The following FRMPD4 variants were observed in gnomAD, a reference collection of about 807,000 sequenced individuals.
FRMPD4 encodes FERM and PDZ domain containing 4.
Under a neutral mutation model 94.1 loss-of-function variants are expected in FRMPD4, and 22 were observed. The ratio of observed to expected loss-of-function variants is 0.23; its 90% CI spans 0.17 to 0.33. The LOEUF (loss-of-function observed/expected upper bound fraction) is 0.33, where lower values mean the gene tolerates loss of function less well. Ranked by LOEUF, FRMPD4 falls within the 10% of genes least tolerant of loss-of-function variation. The probability of loss-of-function intolerance (pLI) is 1.00; values close to 1 mark genes in which losing one functional copy is unlikely to be tolerated. For missense variants in FRMPD4, 1,111 were observed against 1,339.9 expected, an observed-to-expected ratio of 0.83 and a Z score of 2.67; for synonymous variants, 631 against 548.6, an observed-to-expected ratio of 1.15 and a Z score of -2.10.
chrX:12,287,067 A>G (rs938730747), intron 1 of FRMPD4, among the ~76,000 whole-genome samples: 1 of 112,312 alleles, frequency 8.9e-6, no homozygotes. Flanking sequence ...TTTTCATTCA[A>G]CATTGTTCAT....
At chrX:12,623,208 AAGG>A (rs1569370635) in intron 4 of FRMPD4, among the ~76,000 whole-genome samples, 27 of 9,114 alleles carry the variant, frequency 3.0e-3, no homozygotes, top group South Asian at 5.8e-3. Context: ...GAAAGAAAGG[AAGG>A]AAGGAAGGAA....
At chrX:12,356,681 A>C (rs750714079) in intron 1 of FRMPD4, among the ~76,000 whole-genome samples, 1 of 112,481 alleles carries the variant, frequency 8.9e-6, no homozygotes, top group Non-Finnish European at 1.9e-5. Context: ...AGCTGCTTTT[A>C]AAAAATACAT....
rs375897141 is a variant in FRMPD4, at chrX:12,539,638, C to CT, written c.158+40854dup. On this transcript the variant is annotated intron_variant, in intron 2 of 16. Coordinates refer to ENST00000675598, the MANE Select transcript of FRMPD4 (RefSeq NM_001368397.1). ...GAAGAGAGTGGGGGCTAATATTCAG[C>CT]TTTTTTTTTTTTGAGACGGAGTTTC... Among the ~76,000 whole-genome samples, 695 of 103,873 alleles carry CT rather than the reference C, an allele frequency of 6.7e-3. 3 individuals carry two copies. The highest frequency in any genetic ancestry group is 9.9e-3 in the Middle Eastern group (2 of 202). The allele number at this position is 103,873 out of a possible 115,157, so 90.2% of individuals were successfully genotyped here.
intron 4 of FRMPD4, among the ~76,000 whole-genome samples, chrX:12,620,080 C>T (rs757277411): frequency 6.2e-5 from 7 of 112,437 alleles, no homozygotes; most frequent in Non-Finnish European, 1.1e-4. Context: ...ACTTGCCAAC[C>T]TTGATCCAAC....
chrX:12,518,716 A>G (rs1295651896), intron 2 of FRMPD4, among the ~76,000 whole-genome samples: 1 of 111,644 alleles, frequency 9.0e-6, no homozygotes, highest in Non-Finnish European at 1.9e-5. Context: ...TAGATTAGGC[A>G]AGGGAAAAAA....
intron 14 of FRMPD4, 68 bp from the exon 15 acceptor site, chrX:12,716,001 T>TGGGGCCCCCCC: frequency 8.6e-6 from 2 of 231,654 alleles, no homozygotes; most frequent in Non-Finnish European, 1.6e-5. Flanking sequence ...GAGACGAGCC[T>TGGGGCCCCCCC]CCCACCCCCG....
At chrX:12,516,387 A>G (rs1242272571) in intron 2 of FRMPD4, among the ~76,000 whole-genome samples, 1 of 112,076 alleles carries the variant, frequency 8.9e-6, no homozygotes, top group African/African-American at 3.2e-5. Context: ...CTTGCAAGGC[A>G]GGCCTGGTGG....
intron 1 of FRMPD4, among the ~76,000 whole-genome samples, chrX:12,151,030 C>T (rs777332545): frequency 2.7e-5 from 3 of 111,216 alleles, no homozygotes; most frequent in Non-Finnish European, 5.7e-5. Flanking sequence ...AGTTTTTTAT[C>T]GCTCTTTTGA....
intron 4 of FRMPD4, among the ~76,000 whole-genome samples, chrX:12,626,684 A>C (rs1458589376): frequency 9.8e-6 from 1 of 102,431 alleles, no homozygotes; most frequent in Non-Finnish European, 2.0e-5. Context: ...CTATCCCAGG[A>C]CTGCTAAGCA....
At chrX:11,971,655 A>G (rs188171019) in intron 3 of FRMPD4, among the ~76,000 whole-genome samples, 15 of 112,189 alleles carry the variant, frequency 1.3e-4, no homozygotes, top group Admixed American at 1.3e-3. Flanking sequence ...ACCTTTCCCC[A>G]TGGGAAATAG....
At chrX:12,297,067 T>C (rs2054783962) in intron 1 of FRMPD4, among the ~76,000 whole-genome samples, 1 of 112,741 alleles carries the variant, frequency 8.9e-6, no homozygotes, top group African/African-American at 3.2e-5. Context: ...TTGAATCCTT[T>C]ATCCCTTCAG....
intron 1 of FRMPD4, among the ~76,000 whole-genome samples, chrX:12,337,447 T>C (rs886990660): frequency 8.9e-6 from 1 of 112,278 alleles, no homozygotes; most frequent in Non-Finnish European, 1.9e-5. Context: ...GTGTAATATT[T>C]TAAGTGTCTG....
At chrX:12,514,449 G>A (rs1429927231) in intron 2 of FRMPD4, among the ~76,000 whole-genome samples, 1 of 111,592 alleles carries the variant, frequency 9.0e-6, no homozygotes, top group Non-Finnish European at 1.9e-5. Flanking sequence ...TTTTATTGAA[G>A]GCCTTTTCCA....
intron 3 of FRMPD4, among the ~76,000 whole-genome samples, chrX:12,095,347 C>T (rs2055189590): frequency 1.9e-5 from 2 of 104,831 alleles, no homozygotes; most frequent in Admixed American, 1.0e-4. Context: ...CACTGCACTC[C>T]AGCCTGGGTG....
chrX:11,895,993 G>A (rs1328346931), intron 3 of FRMPD4, among the ~76,000 whole-genome samples: 1 of 111,868 alleles, frequency 8.9e-6, no homozygotes, highest in Non-Finnish European at 1.9e-5. Context: ...ACTATATAAG[G>A]GCTCAAAGAT....
intron 1 of FRMPD4, among the ~76,000 whole-genome samples, chrX:12,172,333 C>T (rs1319274427): frequency 9.0e-6 from 1 of 111,034 alleles, no homozygotes; most frequent in Non-Finnish European, 1.9e-5. Context: ...CCCTTGGACA[C>T]CCCTGGTTGA....
intron 3 of FRMPD4, among the ~76,000 whole-genome samples, chrX:12,042,434 G>A (rs995022280): frequency 1.1e-4 from 12 of 110,649 alleles, no homozygotes; most frequent in Admixed American, 1.9e-4. Context: ...TGTTCTCTTC[G>A]TTCAATTTTT....
At chrX:12,250,845 C>T (rs1485397003) in intron 1 of FRMPD4, among the ~76,000 whole-genome samples, 1 of 110,911 alleles carries the variant, frequency 9.0e-6, no homozygotes, top group African/African-American at 3.3e-5. Flanking sequence ...TGACCTCCAC[C>T]GCTCTGCTCC....
intron 3 of FRMPD4, among the ~76,000 whole-genome samples, chrX:11,948,441 T>G (rs2054202364): frequency 8.9e-6 from 1 of 111,926 alleles, no homozygotes; most frequent in Admixed American, 9.5e-5. Context: ...GTTGGCACCC[T>G]GATCTTGGAA....
Sources: allele counts gnomAD v4.1 joint callset (sites outside exome capture counted in the v4.1 genomes callset), GRCh38; gene constraint gnomAD v4.1.1; transcripts MANE v1.5; gene names NCBI Gene and HGNC (gene_info 2026-07-23, HGNC 2026-07-21).